Variants in KLF7 observed in about 807,000 individuals in gnomAD.
KLF7 encodes KLF transcription factor 7, also known as Krueppel-like factor 7.
A neutral mutation model predicts 27.3 loss-of-function variants in KLF7; 2 were observed. The observed-to-expected ratio is 0.07, with a 90% CI of 0.03 to 0.23. The LOEUF (loss-of-function observed/expected upper bound fraction) is 0.23. Among genes scored for constraint, KLF7 ranks in the 10% least tolerant of loss-of-function variants. KLF7 has a pLI of 1.00. For missense variants in KLF7, 221 were observed against 394.1 expected, an observed-to-expected ratio of 0.56 and a Z score of 3.72; for synonymous variants, 165 against 162.4, an observed-to-expected ratio of 1.02 and a Z score of -0.12.
chr2:207,094,709 A>G (rs1292872280), intron 2 of KLF7, among the ~76,000 whole-genome samples: 1 of 152,198 alleles, frequency 6.6e-6, no homozygotes, highest in African/African-American at 2.4e-5. Flanking sequence ...TAGGTGATGC[A>G]ACTAAAAAAT....
At chr2:207,169,524 T>A (rs1164104939), upstream of KLF7, among the ~76,000 whole-genome samples, 1 of 152,212 alleles carries the variant, frequency 6.6e-6, no homozygotes, top group African/African-American at 2.4e-5. Flanking sequence ...CTAAATGTTA[T>A]TAAAATACAT....
At chr2:207,113,861 G>A (rs1182320516) in intron 2 of KLF7, among the ~76,000 whole-genome samples, 4 of 151,740 alleles carry the variant, frequency 2.6e-5, no homozygotes, top group Non-Finnish European at 4.4e-5. Context: ...TGCTTCCAGC[G>A]ACCATTATTT....
At chr2:207,163,836 A>G (rs1439504615) in intron 1 of KLF7, among the ~76,000 whole-genome samples, 1 of 152,224 alleles carries the variant, frequency 6.6e-6, no homozygotes, top group Non-Finnish European at 1.5e-5. Context: ...ATTTCAGAAG[A>G]TTTTGGTTTA....
intron 1 of KLF7, chr2:207,149,147 T>A: frequency 7.8e-7 from 1 of 1,288,172 alleles, no homozygotes; most frequent in South Asian, 1.2e-5. Context: ...GATTTCATAG[T>A]CAATAATAAG....
At chr2:207,104,592 A>C (rs1398025668) in intron 2 of KLF7, among the ~76,000 whole-genome samples, 5 of 152,200 alleles carry the variant, frequency 3.3e-5, no homozygotes, top group African/African-American at 7.2e-5. Context: ...TTCTCTCAAT[A>C]GCCCTAATGC....
rs541521712 is a variant in KLF7, at chr2:207,115,305, C to T, written c.733+8469G>A. ...CCTACAAGATTATGGGGTCCAATCC[C>T]GGGTCAGTCCCCAGCTCACCTAGCT... On this transcript the variant is annotated intron_variant, in intron 2 of 3. Transcript: ENST00000309446. 9.2e-5 allele frequency among the ~76,000 whole-genome samples: 14 copies of T among 152,250 alleles called. No homozygotes were observed. The South Asian group carries it at 1.0e-3, about 11-fold the overall frequency.
At chr2:207,131,799 A>C (rs1391847025) in intron 1 of KLF7, among the ~76,000 whole-genome samples, 1 of 152,212 alleles carries the variant, frequency 6.6e-6, no homozygotes, top group Non-Finnish European at 1.5e-5. Flanking sequence ...GATCTGGTAC[A>C]TTTTTGACAG....
At position 207,118,347 on chromosome 2, in the gene KLF7, ATT is replaced by A. The variant is rs1352937959; in HGVS notation, c.733+5425_733+5426del. On this transcript the variant is annotated intron_variant, in intron 2 of 3. Coordinates refer to ENST00000309446, the MANE Select transcript of KLF7 (RefSeq NM_003709.4). ...ATAATAGGCCTGGAAATGGAAGACC[ATT>A]TCTTTGTAATTTCCTTGTACTGCTT... 1.1e-4 allele frequency among the ~76,000 whole-genome samples: 16 copies of A among 152,296 alleles called. No homozygotes were observed. The South Asian group carries it at 3.3e-3, about 32-fold the overall frequency.
At chr2:207,086,317 G>T (rs2105863893) in intron 3 of KLF7, among the ~76,000 whole-genome samples, 1 of 152,304 alleles carries the variant, frequency 6.6e-6, no homozygotes, top group South Asian at 2.1e-4. Context: ...AGTTCCCCAT[G>T]TTGCCTCCCA....
chr2:207,167,244 T>TTTTCTCCCCAACTCAACTTA, upstream of KLF7: 1 of 1,064,062 alleles, frequency 9.4e-7, no homozygotes, highest in Non-Finnish European at 1.2e-6. Flanking sequence ...ATCTGTTACA[T>TTTTCTCCCCAACTCAACTTA]CTGAGATGAA....
rs534368776 is a variant in KLF7, at chr2:207,150,139, C to T, written c.102+15328G>A. On this transcript the variant is annotated intron_variant, in intron 1 of 3. Coordinates refer to ENST00000309446, the MANE Select transcript of KLF7 (RefSeq NM_003709.4). Reference sequence around the variant, plus strand: ...ACACATACAGACATATACAAATGCACATGATTGTTTCATGAATGTGGTAAA... The same window carrying T: ...ACACATACAGACATATACAAATGCATATGATTGTTTCATGAATGTGGTAAA... Among the ~76,000 whole-genome samples the T allele has an allele frequency of 2.0e-5, 3 of 152,262 alleles. No individual in the cohort carries two copies. In the South Asian group the frequency reaches 6.2e-4, roughly 32 times the overall value.
intron 1 of KLF7, among the ~76,000 whole-genome samples, chr2:207,135,937 G>A (rs1164583816): frequency 6.6e-6 from 1 of 152,142 alleles, no homozygotes; most frequent in Non-Finnish European, 1.5e-5. Context: ...AGTAAAAGCT[G>A]TCTCCTTGCC....
At chr2:207,093,437 G>C (rs1259942865) in intron 2 of KLF7, among the ~76,000 whole-genome samples, 1 of 152,032 alleles carries the variant, frequency 6.6e-6, no homozygotes, top group Non-Finnish European at 1.5e-5. Context: ...CTTTGCACTG[G>C]CTCCTCGCTC....
upstream of KLF7, chr2:207,167,146 G>A (rs1338039356): frequency 3.5e-6 from 5 of 1,441,024 alleles, no homozygotes; most frequent in South Asian, 1.4e-5. Context: ...TCACCATGGG[G>A]TCTCCAGCGA....
upstream of KLF7, chr2:207,167,262 C>T (rs963713900): frequency 1.4e-5 from 13 of 903,586 alleles, no homozygotes; most frequent in African/African-American, 2.3e-4. Context: ...GAAAACCCTG[C>T]ACAATTCACG....
rs1431654894 is a variant in KLF7, at chr2:207,077,562, A to G, written c.*3651T>C. 6.6e-6 allele frequency: 1 copy of G among 152,220 alleles called. No homozygotes were observed. Among genetic ancestry groups the G allele is most frequent in the Non-Finnish European group, 1.5e-5 (1 of 68,062 alleles). 9.4% of individuals were successfully genotyped at this position (152,220 alleles called of 1,614,324 possible). A position where few individuals can be genotyped will look rare whatever the true frequency, so the allele number is the denominator to read the frequency against. On this transcript the variant is annotated 3_prime_UTR_variant, in exon 4 of 4. Coordinates refer to ENST00000309446, the MANE Select transcript of KLF7 (RefSeq NM_003709.4). Reference sequence around the variant, plus strand: ...ACACAGAGAGGAGGAAATGGTCAGCATGAAGTTCATTTTGGGGTCTCCAAT... The same window carrying G: ...ACACAGAGAGGAGGAAATGGTCAGCGTGAAGTTCATTTTGGGGTCTCCAAT...
chr2:207,133,983 C>T, intron 1 of KLF7: 1 of 1,024,916 alleles, frequency 9.8e-7, no homozygotes, highest in Non-Finnish European at 1.4e-6. Flanking sequence ...ACAGCCCGCT[C>T]TTATGCACCC....
chr2:207,119,432 A>G (rs2077275972), intron 2 of KLF7, among the ~76,000 whole-genome samples: 1 of 150,948 alleles, frequency 6.6e-6, no homozygotes, highest in Non-Finnish European at 1.5e-5. Flanking sequence ...GATTTTTAAA[A>G]ATTGATTTTT....
chr2:207,107,488 G>A (rs1263604), intron 2 of KLF7, among the ~76,000 whole-genome samples: 60,565 of 152,002 alleles, frequency 0.4, 12,693 homozygotes, highest in African/African-American at 0.52. Context: ...ATGGAGCTGC[G>A]GCCGTAAATC....
Sources: allele counts gnomAD v4.1 joint callset (sites outside exome capture counted in the v4.1 genomes callset), GRCh38; gene constraint gnomAD v4.1.1; transcripts MANE v1.5; gene names NCBI Gene and HGNC (gene_info 2026-07-23, HGNC 2026-07-21).